Variants in TENM4 observed in about 807,000 individuals in gnomAD.
TENM4 encodes teneurin-4.
Under a neutral mutation model 243.3 loss-of-function variants are expected in TENM4, and 82 were observed. The ratio of observed to expected loss-of-function variants is 0.34; its 90% CI spans 0.28 to 0.40. The LOEUF (loss-of-function observed/expected upper bound fraction) is 0.40, where lower values mean the gene tolerates loss of function less well. Ranked by LOEUF, TENM4 falls within the 10% of genes least tolerant of loss-of-function variation. TENM4 has a pLI of 1.00. For synonymous variants in TENM4, 1,412 were observed against 1,456.3 expected (o/e 0.97, Z 0.69); for missense variants, 3,138 against 3,673.3 (o/e 0.85, Z 3.77).
chr11:78,842,639 C>T (rs886429063), intron 12 of TENM4, among the ~76,000 whole-genome samples: 1 of 152,220 alleles, frequency 6.6e-6, no homozygotes, highest in African/African-American at 2.4e-5. Context: ...TCATGTACTC[C>T]TCCTACTTCC....
chr11:78,959,026 T>C (rs1857263907), intron 6 of TENM4, among the ~76,000 whole-genome samples: 5 of 152,226 alleles, frequency 3.3e-5, no homozygotes, highest in Admixed American at 3.3e-4. Flanking sequence ...TTTCAGAGGT[T>C]GGAAACATTG....
chr11:79,392,139 C>T (rs978097879), intron 1 of TENM4, among the ~76,000 whole-genome samples: 1 of 152,178 alleles, frequency 6.6e-6, no homozygotes, highest in Non-Finnish European at 1.5e-5. Context: ...GGCTTAGCCC[C>T]AGGAACTCTG....
At chr11:79,391,412 G>A (rs1243619878) in intron 1 of TENM4, among the ~76,000 whole-genome samples, 1 of 122,492 alleles carries the variant, frequency 8.2e-6, no homozygotes, top group East Asian at 2.4e-4. Context: ...GTGGAACCAG[G>A]CTCCCCTAGG....
chr11:78,761,675 G>A (rs1856433117), intron 18 of TENM4, among the ~76,000 whole-genome samples: 2 of 132,934 alleles, frequency 1.5e-5, no homozygotes, highest in South Asian at 4.8e-4. Flanking sequence ...GTCTTTTGAG[G>A]TATAGGCTTG....
At chr11:79,369,320 A>C (rs1857736658) in intron 1 of TENM4, among the ~76,000 whole-genome samples, 1 of 152,228 alleles carries the variant, frequency 6.6e-6, no homozygotes, top group Admixed American at 6.5e-5. Flanking sequence ...CCCTGAGTTA[A>C]GTAGCGGATG....
At chr11:78,927,410 A>G (rs1390807023) in intron 6 of TENM4, among the ~76,000 whole-genome samples, 1 of 152,250 alleles carries the variant, frequency 6.6e-6, no homozygotes, top group Non-Finnish European at 1.5e-5. Context: ...TACTAAAGAT[A>G]ATTAAGCAGG....
intron 1 of TENM4, among the ~76,000 whole-genome samples, chr11:79,437,628 C>T (rs1233900423): frequency 3.3e-5 from 5 of 152,232 alleles, no homozygotes; most frequent in Non-Finnish European, 4.4e-5. Context: ...CGGCCGACTC[C>T]TGTACCACGA....
intron 33 of TENM4, among the ~76,000 whole-genome samples, 156 bp downstream of exon 33, chr11:78,661,293 T>C (rs888970422): frequency 2.6e-5 from 4 of 152,140 alleles, no homozygotes; most frequent in African/African-American, 7.2e-5. Context: ...TTCCTAGTGG[T>C]GGGTTACTAA....
intron 28 of TENM4, 95 bp downstream of exon 28, chr11:78,701,431 T>C: frequency 7.1e-7 from 1 of 1,404,838 alleles, no homozygotes; most frequent in Non-Finnish European, 9.5e-7. Context: ...TTATCCCAAA[T>C]CCTGAATTAA....
intron 27 of TENM4, among the ~76,000 whole-genome samples, chr11:78,703,614 G>A (rs1007583219): frequency 7.9e-5 from 12 of 152,076 alleles, no homozygotes; most frequent in African/African-American, 2.9e-4. Flanking sequence ...TGGATTGTTG[G>A]ATCTATCACA....
chr11:78,713,207 C>A (rs983831504), intron 25 of TENM4, among the ~76,000 whole-genome samples: 8 of 152,202 alleles, frequency 5.3e-5, no homozygotes, highest in Admixed American at 5.2e-4. Flanking sequence ...ATGGATGAAA[C>A]CCTGGCTGGC....
chr11:78,733,736 G>C (rs1855723528), intron 20 of TENM4, among the ~76,000 whole-genome samples: 1 of 152,184 alleles, frequency 6.6e-6, no homozygotes, highest in Non-Finnish European at 1.5e-5. Flanking sequence ...TGAGGGTTCT[G>C]CAGCCACATG....
intron 1 of TENM4, among the ~76,000 whole-genome samples, chr11:79,386,882 C>A (rs1167303368): frequency 1.3e-5 from 2 of 151,914 alleles, no homozygotes; most frequent in African/African-American, 4.8e-5. Flanking sequence ...TAAATCAGAA[C>A]AGATACATAT....
At chr11:79,284,690 G>A (rs1856217991) in intron 2 of TENM4, among the ~76,000 whole-genome samples, 1 of 152,138 alleles carries the variant, frequency 6.6e-6, no homozygotes, top group African/African-American at 2.4e-5. Flanking sequence ...AAGAAAAAAT[G>A]TAGATACATT....
intron 4 of TENM4, among the ~76,000 whole-genome samples, chr11:79,141,809 G>A (rs1322975653): frequency 6.6e-6 from 1 of 151,990 alleles, no homozygotes; most frequent in Non-Finnish European, 1.5e-5. Context: ...TAACCAAGTG[G>A]AATTTATTCC....
At chr11:78,919,740 C>G (rs1168006130) in intron 6 of TENM4, among the ~76,000 whole-genome samples, 1 of 152,108 alleles carries the variant, frequency 6.6e-6, no homozygotes, top group African/African-American at 2.4e-5. Context: ...GTAACACCAC[C>G]GTGACATTTT....
intron 29 of TENM4, among the ~76,000 whole-genome samples, chr11:78,684,157 C>G (rs1858596481): frequency 6.6e-6 from 1 of 152,218 alleles, no homozygotes; most frequent in African/African-American, 2.4e-5. Context: ...AACAAATTCT[C>G]CAATATTTGA....
At chr11:79,290,503 C>T (rs1007552106) in intron 2 of TENM4, among the ~76,000 whole-genome samples, 1 of 152,094 alleles carries the variant, frequency 6.6e-6, no homozygotes, top group African/African-American at 2.4e-5. Flanking sequence ...ACCTCTGCTG[C>T]TTTCTTAGAA....
At chr11:78,846,383 T>A (rs913319140) in intron 12 of TENM4, among the ~76,000 whole-genome samples, 9 of 152,196 alleles carry the variant, frequency 5.9e-5, no homozygotes, top group Non-Finnish European at 1.0e-4. Context: ...GCAGAAAGCA[T>A]GGCTATTTTA....
Sources: gnomAD v4.1 joint callset for allele counts (sites outside exome capture counted in the v4.1 genomes callset) on GRCh38, gnomAD v4.1.1 for gene constraint, MANE v1.5 for transcripts, NCBI Gene and HGNC (gene_info 2026-07-23, HGNC 2026-07-21) for gene names.